The following PNKD variants were observed in gnomAD, a reference collection of about 807,000 sequenced individuals.
PNKD encodes the protein probable thioesterase PNKD.
Under a neutral mutation model 45.3 loss-of-function variants are expected in PNKD, and 36 were observed. The observed-to-expected ratio is 0.80, with a 90% CI of 0.61 to 1.05. PNKD has a LOEUF of 1.05. PNKD is among the 50% of genes least tolerant of loss of function. The pLI is 0.00. For synonymous variants in PNKD, 197 were observed against 210.1 expected (o/e 0.94, Z 0.54); for missense variants, 511 against 506.6 (o/e 1.01, Z -0.08).
intron 2 of PNKD, chr2:218,272,791 A>G: frequency 1.2e-6 from 2 of 1,613,756 alleles, no homozygotes; most frequent in Non-Finnish European, 1.7e-6. Context: ...TAGGCTATTG[A>G]CTGTTAAGTC....
intron 2 of PNKD, among the ~76,000 whole-genome samples, chr2:218,323,946 T>C (rs6708662): frequency 0.15 from 23,482 of 152,154 alleles, 4,326 homozygotes; most frequent in African/African-American, 0.44. Flanking sequence ...GGTTCTTCTG[T>C]CCCAAGCAAG....
intron 2 of PNKD, among the ~76,000 whole-genome samples, chr2:218,307,033 G>A (rs1005459325): frequency 3.3e-5 from 5 of 152,280 alleles, no homozygotes; most frequent in South Asian, 4.1e-4. Flanking sequence ...AATGACATTC[G>A]TTTACAGTTG....
intron 6 of PNKD, 21 bp from the exon 7 acceptor site, chr2:218,341,960 C>T: frequency 1.2e-6 from 2 of 1,600,298 alleles, no homozygotes; most frequent in South Asian, 1.1e-5. Context: ...ACCTTCTGTC[C>T]CCTGCTCCCT....
In PNKD at chr2:218,345,038, A is replaced by C. The variant is rs1574724254; in HGVS notation, c.*57A>C. The C allele has an allele frequency of 3.0e-6, 4 of 1,337,946 alleles. No homozygotes were observed. In the East Asian group the frequency reaches 7.0e-5, roughly 23 times the overall value. 82.9% of individuals were successfully genotyped at this position (1,337,946 alleles called of 1,614,324 possible). Reference sequence around the variant, plus strand: ...CCGCATGGGGAGGCCGCCACCACCAACACCTCATCATCCTTCTCATCGCTA... The same window carrying C: ...CCGCATGGGGAGGCCGCCACCACCACCACCTCATCATCCTTCTCATCGCTA... On this transcript the variant is annotated 3_prime_UTR_variant, in exon 10 of 10. Coordinates refer to ENST00000273077, the MANE Select transcript of PNKD (RefSeq NM_015488.5).
intron 2 of PNKD, chr2:218,278,031 C>G (rs1342665781): frequency 6.3e-7 from 1 of 1,596,278 alleles, no homozygotes; most frequent in Non-Finnish European, 8.6e-7. Flanking sequence ...GCGTCAGAGG[C>G]TCCTACAGCA....
rs900606666 is a variant in PNKD, at chr2:218,339,729, T to C, written c.237-54T>C. The C allele has an allele frequency of 2.8e-6, 3 of 1,086,920 alleles. No homozygotes were observed. The Admixed American group carries it at 5.2e-5, about 19-fold the overall frequency. 67.3% of individuals were successfully genotyped at this position (1,086,920 alleles called of 1,614,324 possible). ...GGGGCCTGCAGGCATCACGAAGGAG[T>C]CTAGGGGAGCTAGGGAGAAAAGGCT... On this transcript the variant is annotated intron_variant, in intron 2 of 9. Coordinates refer to ENST00000273077, the MANE Select transcript of PNKD (RefSeq NM_015488.5).
intron 2 of PNKD, among the ~76,000 whole-genome samples, chr2:218,272,264 A>G (rs762954744): frequency 1.4e-4 from 22 of 152,210 alleles, no homozygotes; most frequent in Non-Finnish European, 3.1e-4. Flanking sequence ...GCAGGAATGC[A>G]GGGCTCGTGC....
Position 218,343,530 on chromosome 2 carries a change from T to C in PNKD, c.812T>C (p.Met271Thr). The C allele has an allele frequency of 6.2e-7, 1 of 1,613,730 alleles. No individual in the cohort carries two copies. Among genetic ancestry groups the C allele is most frequent in the Non-Finnish European group, 8.5e-7 (1 of 1,179,834 alleles). Residue 271 changes from methionine to threonine, a missense_variant, in exon 8 of 10, where the codon ATG becomes ACG. By Grantham distance (81) the Met-to-Thr change is moderately conservative. Transcript: ENST00000273077. ...GRTFEGNAET[M>T]LSSLDTVLGL... ...ACCTTTGAGGGCAATGCAGAGACCA[T>C]GCTGAGCTCACTGGACACTGTGCTG...
chr2:218,323,086 C>A, intron 2 of PNKD: 1 of 1,045,432 alleles, frequency 9.6e-7, no homozygotes, highest in Non-Finnish European at 1.2e-6. Context: ...GGGTGGCCTT[C>A]GGGGTGCTTG....
At chr2:218,330,151 G>A (rs930706361) in intron 2 of PNKD, among the ~76,000 whole-genome samples, 12 of 152,212 alleles carry the variant, frequency 7.9e-5, no homozygotes, top group Admixed American at 6.5e-4. Context: ...GGCAATAGGG[G>A]CTTTCCAGAT....
rs117888559 is a variant in PNKD at position 218,272,069 on chromosome 2, G to A, written c.236+520G>A. Among the ~76,000 whole-genome samples the A allele has an allele frequency of 1.5e-3, 223 of 152,326 alleles. 3 individuals carry two copies. The East Asian group carries it at 0.04, about 28-fold the overall frequency. On this transcript the variant is annotated intron_variant, in intron 2 of 9. Coordinates refer to ENST00000273077, the MANE Select transcript of PNKD (RefSeq NM_015488.5). ...AGTATTACATCCCCATTTCACAGAG[G>A]AAGGAACTGAGACTGAGCTAGGATT...
chr2:218,340,612 C>T lies in PNKD; in HGVS notation c.466-116C>T. The stretch of plus-strand genomic sequence containing the variant: ...CCTCCAGCTCCATCCCTTTCCTCTG[C>T]TTCATCTCTCCATGCTCTCCTCTCC... On this transcript the variant is annotated intron_variant, in intron 4 of 9. Coordinates refer to ENST00000273077, the MANE Select transcript of PNKD (RefSeq NM_015488.5). This position sits in a 1 kb window ranked among gnomAD's most constrained non-coding sequence, Gnocchi z 4.2. 1 of 801,722 alleles carries T rather than the reference C, an allele frequency of 1.2e-6. No homozygotes were observed. The highest frequency in any genetic ancestry group is 1.7e-5 in the African/African-American group (1 of 59,748). 49.7% of individuals were successfully genotyped at this position (801,722 alleles called of 1,614,324 possible). A position where few individuals can be genotyped will look rare whatever the true frequency, so the allele number is the denominator to read the frequency against.
intron 2 of PNKD, among the ~76,000 whole-genome samples, chr2:218,334,199 G>A (rs977204611): frequency 1.3e-5 from 2 of 151,790 alleles, no homozygotes; most frequent in African/African-American, 4.8e-5. Flanking sequence ...TATGCCTCTC[G>A]CCCCTGAATA....
intron 2 of PNKD, chr2:218,323,351 G>A (rs1271420860): frequency 1.3e-6 from 2 of 1,581,446 alleles, no homozygotes; most frequent in Non-Finnish European, 1.7e-6. Flanking sequence ...TCCTACTTGT[G>A]AGCCCCCGCG....
chr2:218,335,893 T>G (rs1190202194), intron 2 of PNKD, among the ~76,000 whole-genome samples: 3 of 152,160 alleles, frequency 2.0e-5, no homozygotes, highest in Admixed American at 1.3e-4. Flanking sequence ...CGGCTGCCCC[T>G]GCTCCCACAT....
At chr2:218,274,386 A>C (rs1430116765) in intron 2 of PNKD, 1 of 154,862 alleles carries the variant, frequency 6.5e-6, no homozygotes, top group African/African-American at 2.4e-5. Flanking sequence ...ATTACAAAGA[A>C]GGCAGTGGCT....
chr2:218,304,172 A>C (rs1031891134), intron 2 of PNKD, among the ~76,000 whole-genome samples: 1 of 151,408 alleles, frequency 6.6e-6, no homozygotes, highest in African/African-American at 2.4e-5. Flanking sequence ...TTTGTTTTTG[A>C]GACAGAGTTT....
At chr2:218,319,059 A>C (rs1300680934) in intron 2 of PNKD, among the ~76,000 whole-genome samples, 1 of 130,646 alleles carries the variant, frequency 7.7e-6, no homozygotes, top group Non-Finnish European at 1.6e-5. Context: ...GGTTCAAGTG[A>C]CTCTCCTGCC....
intron 2 of PNKD, among the ~76,000 whole-genome samples, chr2:218,337,371 C>A (rs1464754869): frequency 6.6e-6 from 1 of 152,178 alleles, no homozygotes; most frequent in Non-Finnish European, 1.5e-5. Context: ...CCGCGCCCGG[C>A]CTTCAATTCT....
Sources: gnomAD v4.1 joint callset for allele counts (sites outside exome capture counted in the v4.1 genomes callset) on GRCh38, gnomAD v4.1.1 for gene constraint, Gnocchi (gnomAD v3.1) non-coding constraint, MANE v1.5 for transcripts, NCBI Gene and HGNC (gene_info 2026-07-23, HGNC 2026-07-21) for gene names.